The following IMP4 variants were observed in gnomAD, a reference collection of about 807,000 sequenced individuals.
The protein encoded by IMP4 is U3 small nucleolar ribonucleoprotein IMP4.
IMP4 carries 30 observed loss-of-function variants against 42.7 expected under a neutral mutation model. The observed-to-expected ratio is 0.70, with a 90% CI of 0.53 to 0.95. The LOEUF (loss-of-function observed/expected upper bound fraction) is 0.95. IMP4 is among the 40% of genes least tolerant of loss of function. The pLI is 0.00. For synonymous variants in IMP4, 165 were observed against 165.2 expected (o/e 1.00, Z 0.01); for missense variants, 382 against 411.4 (o/e 0.93, Z 0.62).
Position 130,345,349 on chromosome 2 carries a change from T to C in IMP4, c.197-27T>C. 2 of 1,568,378 alleles carry C rather than the reference T, an allele frequency of 1.3e-6. No homozygotes were observed. Among genetic ancestry groups the C allele is most frequent in the Admixed American group, 1.7e-5 (1 of 59,470 alleles). On this transcript the variant is annotated intron_variant, in intron 3 of 8. Transcript: ENST00000259239. This position sits in a 1 kb window ranked among gnomAD's most constrained non-coding sequence, Gnocchi z 4.9. ...TAGCATTTCATTCCCAAGACTGTCA[T>C]GTTCTTGCCCCTCGTGCTCCTGACA...
rs1679698929 is a variant in IMP4, at chr2:130,347,907, G to GTTTGCAA, written c.*1439_*1440insTTTGCAA. 3 of 152,276 alleles carry GTTTGCAA rather than the reference G, an allele frequency of 2.0e-5. No homozygotes were observed. The highest frequency in any genetic ancestry group is 7.2e-5 in the African/African-American group (3 of 41,464). The allele number at this position is 152,276 out of a possible 1,614,324, so 9.4% of individuals were successfully genotyped here. ...TGCAAATAGTTTTTCCCACTCTGTAGATATAGCCATTGAGAAGCTCCTCAA... is the reference window on the plus strand; with the variant it reads ...TGCAAATAGTTTTTCCCACTCTGTAGTTTGCAAATATAGCCATTGAGAAGCTCCTCAA... On this transcript the variant is annotated 3_prime_UTR_variant, in exon 9 of 9. Transcript: ENST00000259239.
rs535033614 is a variant in IMP4, at chr2:130,347,436, T to TA, written c.*969dup. The TA allele has an allele frequency of 1.1e-3, 170 of 152,336 alleles. No individual in the cohort carries two copies. Among genetic ancestry groups the TA allele is most frequent in the African/African-American group, 3.7e-3 (154 of 41,568 alleles). 9.4% of individuals were successfully genotyped at this position (152,336 alleles called of 1,614,324 possible). On this transcript the variant is annotated 3_prime_UTR_variant, in exon 9 of 9. Coordinates refer to ENST00000259239, the MANE Select transcript of IMP4 (RefSeq NM_033416.3). ...TTTGCATTTCCCTAACGGTTGGTGA[T>TA]ACTGAGCATTTTTGCATACACCGGG...
In IMP4 at chr2:130,346,773, C is replaced by A. The variant is rs925897810; in HGVS notation, c.*305C>A. 2.3e-6 allele frequency: 1 copy of A among 436,902 alleles called. No homozygotes were observed. Among genetic ancestry groups the A allele is most frequent in the Non-Finnish European group, 4.3e-6 (1 of 233,398 alleles). The allele number at this position is 436,902 out of a possible 1,614,324, so 27.1% of individuals were successfully genotyped here. A position where few individuals can be genotyped will look rare whatever the true frequency, so the allele number is the denominator to read the frequency against. On this transcript the variant is annotated 3_prime_UTR_variant, in exon 9 of 9. Coordinates refer to ENST00000259239, the MANE Select transcript of IMP4 (RefSeq NM_033416.3). Reference sequence around the variant, plus strand: ...GAGAGATTTGATGCTAACGTCCCCTCAAGAGTGAGGGTCATATGAGCTCTT... The same window carrying A: ...GAGAGATTTGATGCTAACGTCCCCTAAAGAGTGAGGGTCATATGAGCTCTT...
In IMP4 at chr2:130,345,531, C is replaced by T. The variant is rs1679468684; in HGVS notation, c.307-36C>T. The T allele has an allele frequency of 1.2e-6, 2 of 1,614,078 alleles. No individual in the cohort carries two copies. The highest frequency in any genetic ancestry group is 8.5e-7 in the Non-Finnish European group (1 of 1,179,972). On this transcript the variant is annotated intron_variant, in intron 4 of 8. Coordinates refer to ENST00000259239, the MANE Select transcript of IMP4 (RefSeq NM_033416.3). The surrounding 1 kb of genome is among the most constrained non-coding windows in gnomAD (Gnocchi z 4.9). ...AGGGAGAGACACCCAGGACACACAG[C>T]CCCAGTCCTGACTGTACACTGCCAT...
rs902092066 is a variant in IMP4 at position 130,347,788 on chromosome 2, A to G, written c.*1320A>G. On this transcript the variant is annotated 3_prime_UTR_variant, in exon 9 of 9. Coordinates refer to ENST00000259239, the MANE Select transcript of IMP4 (RefSeq NM_033416.3). ...TTCCCAGCCTCCAGAGCTGTGAGAAATAAATGCCTGTTGTTTAAGCTACCC... is the reference window on the plus strand; with the variant it reads ...TTCCCAGCCTCCAGAGCTGTGAGAAGTAAATGCCTGTTGTTTAAGCTACCC... 1 of 153,076 alleles carries G rather than the reference A, an allele frequency of 6.5e-6. No homozygotes were observed. The highest frequency in any genetic ancestry group is 1.5e-5 in the Non-Finnish European group (1 of 68,752). 9.5% of individuals were successfully genotyped at this position (153,076 alleles called of 1,614,324 possible).
chr2:130,347,619 A>G lies in IMP4; in HGVS notation c.*1151A>G, dbSNP rs1355395381. ...GGTCCTGAGGACTCTGCCCTCTTGC[A>G]TAGAATTAGTGCTCTTATAAAAGAT... On this transcript the variant is annotated 3_prime_UTR_variant, in exon 9 of 9. Coordinates refer to ENST00000259239, the MANE Select transcript of IMP4 (RefSeq NM_033416.3). 1 of 152,190 alleles carries G rather than the reference A, an allele frequency of 6.6e-6. No individual in the cohort carries two copies. Among genetic ancestry groups the G allele is most frequent in the Non-Finnish European group, 1.5e-5 (1 of 68,048 alleles). 9.4% of individuals were successfully genotyped at this position (152,190 alleles called of 1,614,324 possible). A position where few individuals can be genotyped will look rare whatever the true frequency, so the allele number is the denominator to read the frequency against.
Position 130,345,332 on chromosome 2 carries a change from C to A in IMP4, c.197-44C>A, listed in dbSNP as rs761787596. ...CTTGGCTGCCCCGAAGTTAGCATTT[C>A]ATTCCCAAGACTGTCATGTTCTTGC... On this transcript the variant is annotated intron_variant, in intron 3 of 8. Transcript: ENST00000259239. This position sits in a 1 kb window ranked among gnomAD's most constrained non-coding sequence, Gnocchi z 4.9. 8.0e-6 allele frequency: 12 copies of A among 1,508,552 alleles called. No individual in the cohort carries two copies. Among genetic ancestry groups the A allele is most frequent in the Non-Finnish European group, 1.0e-5 (11 of 1,090,100 alleles). 93.4% of individuals were successfully genotyped at this position (1,508,552 alleles called of 1,614,324 possible). A position where few individuals can be genotyped will look rare whatever the true frequency, so the allele number is the denominator to read the frequency against.
In IMP4 at chr2:130,344,660, A is replaced by G; in HGVS notation, c.144A>G (p.Arg48=). 4 of 1,614,126 alleles carry G rather than the reference A, an allele frequency of 2.5e-6. No individual in the cohort carries two copies. The highest frequency in any genetic ancestry group is 2.5e-6 in the Non-Finnish European group (3 of 1,179,978). ...GCCTGATTCCCACTGAGTTACGCCG[A>G]GAGGCTCTGGCCTTACAGGGGTCCC... The part of the protein sequence containing the change: ...ENRLIPTELR[R]EALALQGSLE... The change falls in exon 3 of 9, where the codon CGA becomes CGG. Residue 48 remains arginine (R), a synonymous_variant. Coordinates refer to ENST00000259239, the MANE Select transcript of IMP4 (RefSeq NM_033416.3).
rs1169086122 is a variant in IMP4 at position 130,343,065 on chromosome 2, CTG to C, written c.4-20_4-19del. ...GGGCTCGGGAGCGAGTAGTGAGTGA[CTG>C]GGCCTGCTGTTCCCACAGCTGCGCC... On this transcript the variant is annotated intron_variant, in intron 1 of 8. Transcript: ENST00000259239. The C allele has an allele frequency of 1.8e-5, 28 of 1,587,162 alleles. No homozygotes were observed. The highest frequency in any genetic ancestry group is 8.8e-5 in the Admixed American group (5 of 57,032).
At position 130,346,415 on chromosome 2, in the gene IMP4, T is replaced by C. The variant is rs1371518563; in HGVS notation, c.823T>C (p.Trp275Arg). Residue 275 changes from tryptophan (W) to arginine (R), a missense_variant, in exon 9 of 9, where the codon TGG becomes CGG. Trp to Arg is a moderately radical substitution (Grantham distance 101). Transcript: ENST00000259239. ...GGCCACAGCAGACGTGGAGTGGCGCTGGCACCCTTACACCAATACCGCACG... is the reference window on the plus strand; with the variant it reads ...GGCCACAGCAGACGTGGAGTGGCGCCGGCACCCTTACACCAATACCGCACG... ...QEATADVEWR[W>R]HPYTNTARKR... The C allele has an allele frequency of 1.3e-6, 2 of 1,573,486 alleles. No individual in the cohort carries two copies. Among genetic ancestry groups the C allele is most frequent in the Admixed American group, 3.8e-5 (2 of 52,524 alleles).
Position 130,345,710 on chromosome 2 carries a change from A to G in IMP4, c.439+11A>G, listed in dbSNP as rs761860580. ...ATCGGGGCACACCTGGTAAGGCCGG[A>G]GGGAGGGAGTCGGGGTGGGAGCCGT... On this transcript the variant is annotated intron_variant, in intron 5 of 8. Transcript: ENST00000259239. The surrounding 1 kb of genome is among the most constrained non-coding windows in gnomAD (Gnocchi z 4.9). The G allele has an allele frequency of 1.9e-6, 3 of 1,613,022 alleles. No individual in the cohort carries two copies. The highest frequency in any genetic ancestry group is 2.5e-6 in the Non-Finnish European group (3 of 1,179,840).
In IMP4 at chr2:130,346,357, G is replaced by A; in HGVS notation, c.765G>A (p.Leu255=). 3.8e-6 allele frequency: 6 copies of A among 1,594,228 alleles called. No individual in the cohort carries two copies. Among genetic ancestry groups the A allele is most frequent in the Non-Finnish European group, 5.1e-6 (6 of 1,170,482 alleles). The change falls in exon 9 of 9, where the codon CTG becomes CTA. Residue 255 remains leucine (L), a splice_region_variant and synonymous_variant. Transcript: ENST00000259239. ...TEVGPRFELK[L]YMIRLGTLEQ... is the part of the protein sequence containing the mutation. ...GGCTGATGCCATCCCTGCCTGCAGT[G>A]TACATGATCCGTCTGGGCACGCTGG... is the stretch of plus-strand genomic sequence containing the variant.
intron 2 of IMP4, among the ~76,000 whole-genome samples, chr2:130,343,842 T>TG (rs896787818): frequency 6.6e-6 from 1 of 151,902 alleles, no homozygotes; most frequent in Non-Finnish European, 1.5e-5. Context: ...CTGAGCTCCG[T>TG]GGGGAACAGT....
intron 1 of IMP4, 38 bp from the exon 2 acceptor site, chr2:130,343,048 G>A (rs1006077835): frequency 1.1e-5 from 17 of 1,599,838 alleles, no homozygotes; most frequent in Admixed American, 1.7e-5. Context: ...CGGGGCTCGG[G>A]AGCGAGTAGT....
At position 130,345,762 on chromosome 2, in the gene IMP4, C is replaced by T. The variant is rs745828704; in HGVS notation, c.440-17C>T. On this transcript the variant is annotated splice_polypyrimidine_tract_variant and intron_variant, in intron 5 of 8. Transcript: ENST00000259239. The surrounding 1 kb of genome is among the most constrained non-coding windows in gnomAD (Gnocchi z 4.9). ...TGAGGGCAGACGGGGTCTCTGACAG[C>T]CACCTTTCCCCGCCAGTGGGGCTCA... is the stretch of plus-strand genomic sequence containing the variant. 2.5e-6 allele frequency: 4 copies of T among 1,612,658 alleles called. No individual in the cohort carries two copies. The highest frequency in any genetic ancestry group is 4.5e-5 in the East Asian group (2 of 44,878).
rs768140565 is a variant in IMP4, at chr2:130,343,194, G to C, written c.112G>C (p.Glu38Gln). The C allele has an allele frequency of 5.0e-5, 77 of 1,545,308 alleles. No homozygotes were observed. The highest frequency in any genetic ancestry group is 6.7e-5 in the Non-Finnish European group (76 of 1,142,388). The change falls in exon 2 of 9, where the codon GAA becomes CAA. Residue 38 changes from glutamate (E) to glutamine (Q), a missense_variant and splice_region_variant. By Grantham distance (29) the Glu-to-Gln change is conservative (BLOSUM62 2). Coordinates refer to ENST00000259239, the MANE Select transcript of IMP4 (RefSeq NM_033416.3). ...RKERLRRALEENRLIPTELRR... is the reference protein window; with the variant it reads ...RKERLRRALEQNRLIPTELRR... ...GGAGCGGCTGCGGCGCGCGCTGGAA[G>C]GTAAGGCATCGGCCCCGCGGGCGTC...
Position 130,346,016 on chromosome 2 carries a change from A to G in IMP4, c.595-2A>G. 14 of 1,614,120 alleles carry G rather than the reference A, an allele frequency of 8.7e-6. No homozygotes were observed. Among genetic ancestry groups the G allele is most frequent in the Non-Finnish European group, 1.2e-5 (14 of 1,180,012 alleles). ...GTTTCCCTCTCTTTCCTTGTGCCCC[A>G]GGTCTCTGACATCCTCCGATACCTA... On this transcript the variant is annotated splice_acceptor_variant, in intron 6 of 8. Transcript: ENST00000259239. LOFTEE classifies it high-confidence loss of function.
chr2:130,346,006 C>G lies in IMP4; in HGVS notation c.595-12C>G, dbSNP rs975647697. 6.2e-7 allele frequency: 1 copy of G among 1,614,200 alleles called. No homozygotes were observed. The highest frequency in any genetic ancestry group is 8.5e-7 in the Non-Finnish European group (1 of 1,180,034). On this transcript the variant is annotated splice_polypyrimidine_tract_variant and intron_variant, in intron 6 of 8. Transcript: ENST00000259239. Reference sequence around the variant, plus strand: ...TTGCCACTCTGTTTCCCTCTCTTTCCTTGTGCCCCAGGTCTCTGACATCCT... The same window carrying G: ...TTGCCACTCTGTTTCCCTCTCTTTCGTTGTGCCCCAGGTCTCTGACATCCT...
Position 130,344,565 on chromosome 2 carries a change from G to A in IMP4, c.113-64G>A, listed in dbSNP as rs551060062. 3.1e-4 allele frequency: 311 copies of A among 1,010,404 alleles called. No homozygotes were observed. In the African/African-American group the frequency reaches 4.1e-3, roughly 13 times the overall value. The allele number at this position is 1,010,404 out of a possible 1,614,324, so 62.6% of individuals were successfully genotyped here. A position where few individuals can be genotyped will look rare whatever the true frequency, so the allele number is the denominator to read the frequency against. On this transcript the variant is annotated intron_variant, in intron 2 of 8. Coordinates refer to ENST00000259239, the MANE Select transcript of IMP4 (RefSeq NM_033416.3). ...CATGTGCAGGCTAATAAGCTGTGGT[G>A]TATTGGATGAGCTGAGGTCTCCATG... is the stretch of plus-strand genomic sequence containing the variant.
Sources: gnomAD v4.1 joint callset for allele counts (sites outside exome capture counted in the v4.1 genomes callset) on GRCh38, gnomAD v4.1.1 for gene constraint, Gnocchi (gnomAD v3.1) non-coding constraint, MANE v1.5 for transcripts, NCBI Gene and HGNC (gene_info 2026-07-23, HGNC 2026-07-21) for gene names.